Variants in KCMF1 observed in about 807,000 individuals in gnomAD.
KCMF1 encodes potassium channel modulatory factor 1.
Under a neutral mutation model 41.1 loss-of-function variants are expected in KCMF1, and 3 were observed. The ratio of observed to expected loss-of-function variants is 0.07; its 90% confidence interval spans 0.03 to 0.19. KCMF1 has a LOEUF of 0.19. KCMF1 is among the 10% of genes least tolerant of loss of function. The pLI, the probability that KCMF1 is intolerant of heterozygous loss-of-function variation, is 1.00. For missense variants in KCMF1, 286 were observed against 488.9 expected, an observed-to-expected ratio of 0.58 and a Z score of 3.91; for synonymous variants, 142 against 164.5, an observed-to-expected ratio of 0.86 and a Z score of 1.04.
chr2:85,016,077 G>A (rs1400841299), intron 1 of KCMF1, among the ~76,000 whole-genome samples: 4 of 152,180 alleles, frequency 2.6e-5, no homozygotes, highest in Non-Finnish European at 5.9e-5. Context: ...TGTTTTAAAT[G>A]TTTTAAATGC....
chr2:85,052,573 A>G (rs1023220637), intron 6 of KCMF1, among the ~76,000 whole-genome samples: 3 of 152,200 alleles, frequency 2.0e-5, no homozygotes, highest in Non-Finnish European at 4.4e-5. Context: ...AGGCAGGTAG[A>G]CCTTGTGTCT....
intron 1 of KCMF1, among the ~76,000 whole-genome samples, chr2:85,015,153 C>CAAAAAA (rs34773304): frequency 2.0e-5 from 1 of 49,030 alleles, no homozygotes; most frequent in Admixed American, 2.2e-4. Context: ...GACTCCATCT[C>CAAAAAA]AAAAAAAAAA....
At chr2:85,039,756 C>T (rs573596175) in intron 3 of KCMF1, among the ~76,000 whole-genome samples, 131 of 152,096 alleles carry the variant, frequency 8.6e-4, no homozygotes, top group African/African-American at 2.9e-3. Flanking sequence ...AGAGGAAACT[C>T]GAGCAACAGC....
intron 1 of KCMF1, among the ~76,000 whole-genome samples, chr2:84,998,471 C>A (rs1558569284): frequency 1.3e-5 from 2 of 152,098 alleles, no homozygotes; most frequent in Non-Finnish European, 2.9e-5. Flanking sequence ...ACCTGATTTG[C>A]AGTATAGTCT....
chr2:84,972,102 C>T (rs1673413301), intron 1 of KCMF1: 1 of 152,174 alleles, frequency 6.6e-6, no homozygotes, highest in Admixed American at 6.5e-5. Context: ...TAACCAAGTT[C>T]CCGGGGTGGA....
intron 1 of KCMF1, among the ~76,000 whole-genome samples, chr2:85,003,362 T>C (rs1674380453): frequency 6.6e-6 from 1 of 151,854 alleles, no homozygotes; most frequent in Non-Finnish European, 1.5e-5. Flanking sequence ...CCTGTAGTCC[T>C]AGCTACTCGG....
At chr2:85,015,417 C>G (rs1674746773) in intron 1 of KCMF1, among the ~76,000 whole-genome samples, 1 of 152,140 alleles carries the variant, frequency 6.6e-6, no homozygotes, top group African/African-American at 2.4e-5. Context: ...ATAGAAGCTC[C>G]TCTATTTCCA....
intron 1 of KCMF1, among the ~76,000 whole-genome samples, chr2:84,990,652 T>TA (rs111732751): frequency 1.8e-3 from 256 of 145,944 alleles, no homozygotes; most frequent in African/African-American, 3.8e-3. Flanking sequence ...CTGTTTTAAT[T>TA]AAAAAAAAAA....
intron 6 of KCMF1, 100 bp from the exon 7 acceptor site, chr2:85,053,048 C>T: frequency 1.9e-6 from 2 of 1,062,614 alleles, no homozygotes; most frequent in Non-Finnish European, 2.7e-6. Context: ...CTGAATTTTG[C>T]CACCTGTAAA....
In KCMF1 at chr2:85,058,664, T is replaced by C. The variant is rs1333874589; in HGVS notation, c.*5255T>C. ...TAAACATTATTTACCAACTGCGATT[T>C]TTACAGACTTCCCCTGTAAGAATTT... On this transcript the variant is annotated 3_prime_UTR_variant, in exon 7 of 7. Transcript: ENST00000409785. The C allele has an allele frequency of 1.3e-5, 2 of 152,242 alleles. No homozygotes were observed. Among genetic ancestry groups the C allele is most frequent in the Non-Finnish European group, 2.9e-5 (2 of 68,050 alleles). The allele number at this position is 152,242 out of a possible 1,614,324, so 9.4% of individuals were successfully genotyped here. A position where few individuals can be genotyped will look rare whatever the true frequency, so the allele number is the denominator to read the frequency against.
chr2:84,976,622 T>A (rs1673551357), intron 1 of KCMF1, among the ~76,000 whole-genome samples: 1 of 150,418 alleles, frequency 6.6e-6, no homozygotes, highest in Admixed American at 6.6e-5. Flanking sequence ...AGAGACCCTA[T>A]TTCTTTAAAA....
At chr2:85,035,351 T>C (rs1675382726) in intron 3 of KCMF1, among the ~76,000 whole-genome samples, 196 bp downstream of exon 3, 1 of 152,244 alleles carries the variant, frequency 6.6e-6, no homozygotes, top group Non-Finnish European at 1.5e-5. Context: ...TACCTCTTAC[T>C]GTCCACACTG....
chr2:85,004,728 C>T lies in KCMF1; in HGVS notation c.17-23161C>T, dbSNP rs116751966. Among the ~76,000 whole-genome samples the T allele has an allele frequency of 3.0e-3, 457 of 152,174 alleles. 1 individual carries two copies. Among genetic ancestry groups the T allele is most frequent in the Non-Finnish European group, 5.1e-3 (350 of 68,002 alleles). The stretch of plus-strand genomic sequence containing the variant: ...ATTGTTTGCTTACCCTTTATATTAC[C>T]GGTCATGCCTCAGTCTTCTATCTTG... On this transcript the variant is annotated intron_variant, in intron 1 of 6. Coordinates refer to ENST00000409785, the MANE Select transcript of KCMF1 (RefSeq NM_020122.5).
At chr2:85,017,739 ACT>A (rs1228683112) in intron 1 of KCMF1, among the ~76,000 whole-genome samples, 4 of 151,940 alleles carry the variant, frequency 2.6e-5, no homozygotes, top group Admixed American at 6.6e-5. Flanking sequence ...TTTCCCATCA[ACT>A]CTCTATTCCC....
chr2:85,022,200 G>A (rs1011981421), intron 1 of KCMF1, among the ~76,000 whole-genome samples: 4 of 152,194 alleles, frequency 2.6e-5, no homozygotes, highest in East Asian at 1.9e-4. Context: ...GGCTGGTCTC[G>A]GTGGCTCATG....
chr2:84,991,165 T>C (rs117086605), intron 1 of KCMF1, among the ~76,000 whole-genome samples: 2,335 of 152,040 alleles, frequency 0.015, 31 homozygotes, highest in South Asian at 0.063. Context: ...GCTGGTGTAA[T>C]GTAGGGGAAA....
chr2:85,005,296 A>T (rs192817406), intron 1 of KCMF1, among the ~76,000 whole-genome samples: 9,556 of 146,588 alleles, frequency 0.065, 328 homozygotes, highest in South Asian at 0.12. Flanking sequence ...TTATTTATTT[A>T]TTTTTTTTTT....
At chr2:84,998,398 A>G (rs938310565) in intron 1 of KCMF1, among the ~76,000 whole-genome samples, 4 of 151,972 alleles carry the variant, frequency 2.6e-5, no homozygotes, top group East Asian at 1.9e-4. Flanking sequence ...GCCAGCCTAT[A>G]ATACATATTT....
At chr2:84,990,255 G>T (rs1674006506) in intron 1 of KCMF1, among the ~76,000 whole-genome samples, 1 of 152,140 alleles carries the variant, frequency 6.6e-6, no homozygotes, top group African/African-American at 2.4e-5. Context: ...GGCTGTGAAG[G>T]GAAGGAGAGA....
Sources: allele counts gnomAD v4.1 joint callset (sites outside exome capture counted in the v4.1 genomes callset), GRCh38; gene constraint gnomAD v4.1.1; transcripts MANE v1.5; gene names NCBI Gene and HGNC (gene_info 2026-07-23, HGNC 2026-07-21).